NT5C2: variants seen among roughly 807,000 people sequenced by gnomAD.
NT5C2 encodes cytosolic purine 5'-nucleotidase.
NT5C2 carries 58 observed loss-of-function variants against 76.1 expected under a neutral mutation model. The ratio of observed to expected loss-of-function variants is 0.76; its 90% confidence interval spans 0.62 to 0.95. The LOEUF is 0.95. NT5C2 is among the 40% of genes least tolerant of loss of function. NT5C2 has a pLI of 0.00. For synonymous variants in NT5C2, 229 were observed against 237.4 expected, an observed-to-expected ratio of 0.96 and a Z score of 0.32; for missense variants, 478 against 690.3, an observed-to-expected ratio of 0.69 and a Z score of 3.45.
chr10:103,187,408 C>T (rs537163773), intron 1 of NT5C2, among the ~76,000 whole-genome samples: 1 of 151,686 alleles, frequency 6.6e-6, no homozygotes, highest in Non-Finnish European at 1.5e-5. Context: ...AAAAAATTAG[C>T]CAGGTGTAGT....
At chr10:103,133,258 T>C (rs1447843091) in intron 4 of NT5C2, among the ~76,000 whole-genome samples, 1 of 152,162 alleles carries the variant, frequency 6.6e-6, no homozygotes, top group African/African-American at 2.4e-5. Context: ...CACATGGAAC[T>C]GTAAGTCCAT....
chr10:103,183,596 A>G (rs2091597223), intron 1 of NT5C2, among the ~76,000 whole-genome samples: 1 of 148,768 alleles, frequency 6.7e-6, no homozygotes, highest in African/African-American at 2.5e-5. Flanking sequence ...GCTCACTGCA[A>G]GCTCTGCCTC....
chr10:103,153,739 T>C, intron 3 of NT5C2: 1 of 985,336 alleles, frequency 1.0e-6, no homozygotes, highest in Non-Finnish European at 1.2e-6. Flanking sequence ...AAATCATTTT[T>C]AGTTTACTCT....
At chr10:103,180,324 C>T (rs1467310002) in intron 2 of NT5C2, among the ~76,000 whole-genome samples, 4 of 152,204 alleles carry the variant, frequency 2.6e-5, no homozygotes, top group African/African-American at 4.8e-5. Context: ...GGCACAAGCA[C>T]TCTGGAAAAG....
At chr10:103,092,318 CTG>C (rs1265030203) in intron 15 of NT5C2, among the ~76,000 whole-genome samples, 9 of 152,090 alleles carry the variant, frequency 5.9e-5, no homozygotes, top group Non-Finnish European at 1.5e-5. Flanking sequence ...TAATAATTTT[CTG>C]TGTTTCGGAT....
At position 103,101,122 on chromosome 10, in the gene NT5C2, T is replaced by C; in HGVS notation, c.482-20A>G. Reference sequence around the variant, plus strand: ...AGGTCTCTGAAAAATGAAGAACAGATATTCATAAGCTATAATGAAATAATT... The same window carrying C: ...AGGTCTCTGAAAAATGAAGAACAGACATTCATAAGCTATAATGAAATAATT... On this transcript the variant is annotated intron_variant, in intron 7 of 18. Coordinates refer to ENST00000404739, the MANE Select transcript of NT5C2 (RefSeq NM_001351169.2). The C allele has an allele frequency of 1.9e-6, 3 of 1,565,260 alleles. No homozygotes were observed. Among genetic ancestry groups the C allele is most frequent in the Non-Finnish European group, 2.6e-6 (3 of 1,136,518 alleles).
At chr10:103,177,821 C>T (rs1369301407) in intron 2 of NT5C2, among the ~76,000 whole-genome samples, 4 of 152,156 alleles carry the variant, frequency 2.6e-5, no homozygotes, top group Non-Finnish European at 5.9e-5. Context: ...AAATTGGCCA[C>T]TTTAAAGTGA....
chr10:103,145,895 G>A (rs1284224654), intron 3 of NT5C2: 3 of 191,888 alleles, frequency 1.6e-5, no homozygotes, highest in South Asian at 3.6e-4. Flanking sequence ...ATAAGAAATA[G>A]AGCCATTAAT....
In NT5C2 at chr10:103,106,629, C is replaced by G; in HGVS notation, c.253G>C (p.Glu85Gln). The change falls in exon 5 of 19, where the codon GAG becomes CAG. Residue 85 changes from glutamate to glutamine, a missense_variant. Glu to Gln is a conservative substitution (Grantham distance 29). Transcript: ENST00000404739. ...GAATCATAAGCAAAGCTGAGCAACT[C>G]CTGGGGATAGCCAATAGAAACTAAT... The part of the protein sequence containing the change: ...ERLVSIGYPQ[E>Q]LLSFAYDSTF... 1 of 1,613,702 alleles carries G rather than the reference C, an allele frequency of 6.2e-7. No individual in the cohort carries two copies. The highest frequency in any genetic ancestry group is 8.5e-7 in the Non-Finnish European group (1 of 1,179,708).
intron 5 of NT5C2, 102 bp downstream of exon 5, chr10:103,106,487 T>TG: frequency 1.4e-6 from 1 of 740,326 alleles, no homozygotes; most frequent in Non-Finnish European, 2.3e-6. Flanking sequence ...TTCAATGTTT[T>TG]GGGGGGTTTT....
chr10:103,131,700 C>G (rs1382069411), intron 4 of NT5C2, among the ~76,000 whole-genome samples: 10 of 152,148 alleles, frequency 6.6e-5, no homozygotes. Flanking sequence ...GCAGGTAGAT[C>G]GCTTGAGCCC....
At chr10:103,131,852 G>A (rs1565116387) in intron 4 of NT5C2, among the ~76,000 whole-genome samples, 1 of 152,128 alleles carries the variant, frequency 6.6e-6, no homozygotes, top group Non-Finnish European at 1.5e-5. Flanking sequence ...AGTCTGGGAG[G>A]TTAAGGCTGC....
At chr10:103,153,352 A>G (rs749851566) in intron 3 of NT5C2, 105 of 1,271,480 alleles carry the variant, frequency 8.3e-5, no homozygotes, top group Non-Finnish European at 1.1e-4. Context: ...TCAACAAACA[A>G]GCTTCACTGA....
At chr10:103,105,630 C>G in intron 6 of NT5C2, 76 bp downstream of exon 6, 1 of 955,666 alleles carries the variant, frequency 1.0e-6, no homozygotes, top group South Asian at 1.5e-5. Context: ...AAATATATTA[C>G]ATCTGGGGAG....
intron 14 of NT5C2, 88 bp from the exon 15 acceptor site, chr10:103,093,397 A>G (rs2067391630): frequency 1.8e-6 from 2 of 1,139,696 alleles, no homozygotes; most frequent in South Asian, 4.0e-5. Flanking sequence ...ACTATGATTC[A>G]TTTTATTCTT....
intron 3 of NT5C2, among the ~76,000 whole-genome samples, chr10:103,145,599 G>A (rs967673628): frequency 1.3e-5 from 2 of 152,016 alleles, no homozygotes; most frequent in African/African-American, 4.8e-5. Context: ...TTAACTTCCC[G>A]AAGCTTGCTT....
At chr10:103,191,641 G>A (rs2092651723) in intron 1 of NT5C2, among the ~76,000 whole-genome samples, 1 of 152,104 alleles carries the variant, frequency 6.6e-6, no homozygotes, top group Non-Finnish European at 1.5e-5. Context: ...TGTAGCTGAT[G>A]GTAAATTTTC....
At chr10:103,108,889 G>A (rs560157724) in intron 4 of NT5C2, among the ~76,000 whole-genome samples, 55 of 149,688 alleles carry the variant, frequency 3.7e-4, no homozygotes, top group African/African-American at 1.3e-3. Context: ...TCAGAGTCTC[G>A]CTCCATTGCC....
At chr10:103,161,907 A>C (rs117375960) in intron 3 of NT5C2, among the ~76,000 whole-genome samples, 29 of 152,318 alleles carry the variant, frequency 1.9e-4, no homozygotes, top group Non-Finnish European at 4.0e-4. Flanking sequence ...TGGACTACTA[A>C]TGAGTATGAG....
Sources: allele counts gnomAD v4.1 joint callset (sites outside exome capture counted in the v4.1 genomes callset), GRCh38; gene constraint gnomAD v4.1.1; transcripts MANE v1.5; gene names NCBI Gene and HGNC (gene_info 2026-07-23, HGNC 2026-07-21).